The following BICRA variants were observed in gnomAD, a reference collection of about 807,000 sequenced individuals.
BICRA encodes BRD4 interacting chromatin remodeling complex associated protein.
BICRA carries 31 observed loss-of-function variants against 96.9 expected under a neutral mutation model. The observed-to-expected ratio is 0.32, with a 90% CI of 0.24 to 0.43. The LOEUF is 0.43. Ranked by LOEUF, BICRA falls within the 20% of genes least tolerant of loss-of-function variation. BICRA has a pLI of 1.00. For missense variants in BICRA, 2,283 were observed against 2,190.3 expected (o/e 1.04, Z -0.84); for synonymous variants, 1,350 against 1,071.8 (o/e 1.26, Z -5.07).
chr19:47,699,454 C>G lies in BICRA; in HGVS notation c.3595+49C>G, dbSNP rs559529090. The stretch of plus-strand genomic sequence containing the variant: ...AGGGGAGGGAGAGGTGCCCCCACCC[C>G]ACCTGGGCAGAAGAGTTAGATTCAG... On this transcript the variant is annotated intron_variant, in intron 14 of 14. Transcript: ENST00000594866. The surrounding 1 kb of genome is among the most constrained non-coding windows in gnomAD (Gnocchi z 5.0). The G allele has an allele frequency of 2.8e-6, 3 of 1,059,506 alleles. No individual in the cohort carries two copies. The highest frequency in any genetic ancestry group is 2.6e-5 in the East Asian group (1 of 38,784). The allele number at this position is 1,059,506 out of a possible 1,614,324, so 65.6% of individuals were successfully genotyped here.
At position 47,698,761 on chromosome 19, in the gene BICRA, T is replaced by A. The variant is rs563867740; in HGVS notation, c.3376T>A (p.Ser1126Thr). 1.9e-6 allele frequency: 3 copies of A among 1,606,966 alleles called. No individual in the cohort carries two copies. Among genetic ancestry groups the A allele is most frequent in the East Asian group, 2.2e-5 (1 of 44,748 alleles). Residue 1126 changes from serine to threonine, a missense_variant, in exon 12 of 15, where the codon TCC (serine) becomes ACC (threonine). Ser to Thr is a moderately conservative substitution (Grantham distance 58). Transcript: ENST00000594866. This position sits in a 1 kb window ranked among gnomAD's most constrained non-coding sequence, Gnocchi z 4.8. ...PYHVYQGALP[S>T]PSDYHKVDEE... is the part of the protein sequence containing the mutation. ...CCATGTCTACCAGGGCGCCCTCCCC[T>A]CCCCCAGTGACTACCACAAAGGTGA... is the stretch of plus-strand genomic sequence containing the variant.
intron 1 of BICRA, among the ~76,000 whole-genome samples, chr19:47,659,293 G>C (rs1472642689): frequency 6.6e-6 from 1 of 152,118 alleles, no homozygotes; most frequent in Non-Finnish European, 1.5e-5. Flanking sequence ...AAATAAAGAT[G>C]GTGTAGATTT....
At chr19:47,625,715 T>A (rs1972130085) in intron 1 of BICRA, among the ~76,000 whole-genome samples, 1 of 152,008 alleles carries the variant, frequency 6.6e-6, no homozygotes, top group Non-Finnish European at 1.5e-5. Context: ...TGGGTTGGGC[T>A]CAGAAGTGAA....
chr19:47,701,420 T>G lies in BICRA; in HGVS notation c.3688T>G (p.Ser1230Ala). The change falls in exon 15 of 15, where the codon TCA becomes GCA. Residue 1230 changes from serine (S) to alanine (A), a missense_variant. By Grantham distance (99) the Ser-to-Ala change is moderately conservative. Transcript: ENST00000594866. This position sits in a 1 kb window ranked among gnomAD's most constrained non-coding sequence, Gnocchi z 5.4. ...TCCCGGCCACGGCCCCCTGTCGTCT[T>G]CAGCTCCCGGGGCCTCCACCCAGCC... ...RLPGHGPLSS[S>A]APGASTQPPP... 2 of 1,590,086 alleles carry G rather than the reference T, an allele frequency of 1.3e-6. No individual in the cohort carries two copies. The highest frequency in any genetic ancestry group is 1.7e-6 in the Non-Finnish European group (2 of 1,169,418).
At chr19:47,620,777 G>T (rs1439850394) in intron 1 of BICRA, among the ~76,000 whole-genome samples, 1 of 151,902 alleles carries the variant, frequency 6.6e-6, no homozygotes, top group Non-Finnish European at 1.5e-5. Context: ...AAACTCCTGG[G>T]AATCCCGATG....
In BICRA at chr19:47,699,718, A is replaced by C. The variant is rs1973410720; in HGVS notation, c.3595+313A>C. ...AGCAGGCGCCTAGGTTGCAAAATAT[A>C]TAAGGTAACGCCCACTCTTGGGTGC... On this transcript the variant is annotated intron_variant, in intron 14 of 14. Transcript: ENST00000594866. The surrounding 1 kb of genome is among the most constrained non-coding windows in gnomAD (Gnocchi z 5.0). Among the ~76,000 whole-genome samples the C allele has an allele frequency of 6.6e-6, 1 of 152,182 alleles. No individual in the cohort carries two copies. Among genetic ancestry groups the C allele is most frequent in the Non-Finnish European group, 1.5e-5 (1 of 68,028 alleles).
At chr19:47,611,447 G>C (rs1218239145) in intron 1 of BICRA, among the ~76,000 whole-genome samples, 4 of 152,110 alleles carry the variant, frequency 2.6e-5, no homozygotes, top group Non-Finnish European at 5.9e-5. Context: ...TGATGGGCTC[G>C]GGGTACCTGG....
At chr19:47,621,971 AT>A (rs780782517) in intron 1 of BICRA, among the ~76,000 whole-genome samples, 229 of 128,710 alleles carry the variant, frequency 1.8e-3, no homozygotes, top group African/African-American at 1.7e-3. Context: ...TTTGTACTTT[AT>A]TTTTTTTTTT....
intron 1 of BICRA, among the ~76,000 whole-genome samples, chr19:47,628,596 C>G (rs778317493): frequency 1.3e-5 from 2 of 152,108 alleles, no homozygotes; most frequent in African/African-American, 4.8e-5. Context: ...TTTCCTTTTC[C>G]AAAGGTGACC....
chr19:47,697,613 G>C (rs1027621734), intron 11 of BICRA, among the ~76,000 whole-genome samples: 1 of 152,126 alleles, frequency 6.6e-6, no homozygotes, highest in Non-Finnish European at 1.5e-5. Flanking sequence ...GAGTAGCTGA[G>C]ATTACAGGTG....
chr19:47,637,625 A>T lies in BICRA; in HGVS notation c.-108+28457A>T, dbSNP rs1270399326. ...ATCTCCACAGAGTTGTGCAACGGTC[A>T]TCTCTGTCTAGTTTGAGAACATTTT... On this transcript the variant is annotated intron_variant, in intron 1 of 14. Transcript: ENST00000594866. Among the ~76,000 whole-genome samples the T allele has an allele frequency of 2.6e-5, 4 of 152,200 alleles. No homozygotes were observed. The East Asian group carries it at 5.8e-4, about 22-fold the overall frequency.
Position 47,694,532 on chromosome 19 carries a change from C to T in BICRA, c.2701C>T (p.Pro901Ser), listed in dbSNP as rs779630588. 6.2e-7 allele frequency: 1 copy of T among 1,610,408 alleles called. No individual in the cohort carries two copies. The highest frequency in any genetic ancestry group is 1.1e-5 in the South Asian group (1 of 90,806). Residue 901 changes from proline to serine, a missense_variant, in exon 8 of 15, where the codon CCT becomes TCT. Coordinates refer to ENST00000594866, the MANE Select transcript of BICRA (RefSeq NM_001394372.1). ...SSETSSRLPA[P>S]TPSDFQLQFP... is the part of the protein sequence containing the mutation. ...TGAGACGTCCTCCAGGTTGCCAGCCCCTACGCCATCCGACTTCCAGCTCCA... is the reference window on the plus strand; with the variant it reads ...TGAGACGTCCTCCAGGTTGCCAGCCTCTACGCCATCCGACTTCCAGCTCCA...
At position 47,701,287 on chromosome 19, in the gene BICRA, T is replaced by G; in HGVS notation, c.3596-41T>G. The G allele has an allele frequency of 6.7e-7, 1 of 1,486,822 alleles. No individual in the cohort carries two copies. The highest frequency in any genetic ancestry group is 9.3e-7 in the Non-Finnish European group (1 of 1,075,902). The allele number at this position is 1,486,822 out of a possible 1,614,324, so 92.1% of individuals were successfully genotyped here. A position where few individuals can be genotyped will look rare whatever the true frequency, so the allele number is the denominator to read the frequency against. On this transcript the variant is annotated intron_variant, in intron 14 of 14. Transcript: ENST00000594866. The surrounding 1 kb of genome is among the most constrained non-coding windows in gnomAD (Gnocchi z 5.4). ...TCCTCCCAGCTCGGTCGGGGGGTCC[T>G]CATCCTAACCCCGCGGGTTTTCTTT...
chr19:47,644,862 C>G (rs1158465115), intron 1 of BICRA, among the ~76,000 whole-genome samples: 1 of 152,146 alleles, frequency 6.6e-6, no homozygotes, highest in African/African-American at 2.4e-5. Flanking sequence ...GTCTGCAGGT[C>G]TCAGTTTACT....
chr19:47,693,340 T>C (rs1050229679), intron 7 of BICRA, among the ~76,000 whole-genome samples: 2 of 152,226 alleles, frequency 1.3e-5, no homozygotes, highest in Non-Finnish European at 2.9e-5. Flanking sequence ...ACAGGCTTCA[T>C]CAGAGTCTGG....
intron 1 of BICRA, among the ~76,000 whole-genome samples, chr19:47,660,521 C>T (rs1251797888): frequency 2.0e-5 from 3 of 152,282 alleles, no homozygotes; most frequent in African/African-American, 7.2e-5. Flanking sequence ...GAAATACATC[C>T]TAAGAGCTTA....
intron 3 of BICRA, 21 bp from the exon 4 acceptor site, chr19:47,673,699 T>A: frequency 6.2e-7 from 1 of 1,607,554 alleles, no homozygotes; most frequent in Non-Finnish European, 8.5e-7. Context: ...CTCCTCAGCG[T>A]CTCTTCCTCT....
In BICRA at chr19:47,694,084, CCCCTCCCCTCTCCCT is replaced by C. The variant is rs1973283524; in HGVS notation, c.2284-21_2284-7del. The C allele has an allele frequency of 2.4e-6, 3 of 1,260,074 alleles. No homozygotes were observed. Among genetic ancestry groups the C allele is most frequent in the Admixed American group, 3.4e-5 (1 of 29,430 alleles). 78.1% of individuals were successfully genotyped at this position (1,260,074 alleles called of 1,614,324 possible). A position where few individuals can be genotyped will look rare whatever the true frequency, so the allele number is the denominator to read the frequency against. On this transcript the variant is annotated splice_polypyrimidine_tract_variant and intron_variant, in intron 7 of 14. Coordinates refer to ENST00000594866, the MANE Select transcript of BICRA (RefSeq NM_001394372.1). ...GAGCTATGGTTGGTTCTGACCCCCGCCCCTCCCCTCTCCCTCCCTCCCCTGCCCAGATCCCGGCAG... is the reference window on the plus strand; with the variant it reads ...GAGCTATGGTTGGTTCTGACCCCCGCCCCTCCCCTGCCCAGATCCCGGCAG...
chr19:47,701,391 G>C lies in BICRA; in HGVS notation c.3659G>C (p.Arg1220Pro), dbSNP rs773367025. ...LPIAASSEGH[R>P]LPGHGPLSSS... is the part of the protein sequence containing the mutation. ...ATCGCAGCCTCTTCCGAGGGTCATC[G>C]GCTTCCCGGCCACGGCCCCCTGTCG... is the stretch of plus-strand genomic sequence containing the variant. The change falls in exon 15 of 15, where the codon CGG (arginine) becomes CCG (proline). Residue 1220 changes from arginine to proline, a missense_variant. By Grantham distance (103) the Arg-to-Pro change is moderately radical (BLOSUM62 -2). Transcript: ENST00000594866. This position sits in a 1 kb window ranked among gnomAD's most constrained non-coding sequence, Gnocchi z 5.4. The C allele has an allele frequency of 1.2e-6, 2 of 1,607,020 alleles. No individual in the cohort carries two copies. The highest frequency in any genetic ancestry group is 2.7e-5 in the African/African-American group (2 of 74,804).
Sources: allele counts gnomAD v4.1 joint callset (sites outside exome capture counted in the v4.1 genomes callset), GRCh38; gene constraint gnomAD v4.1.1; non-coding constraint Gnocchi (gnomAD v3.1); transcripts MANE v1.5; gene names NCBI Gene and HGNC (gene_info 2026-07-23, HGNC 2026-07-21).